Variants in IGSF11 observed in about 807,000 individuals in gnomAD.
IGSF11 encodes the protein CXADR like 1.
In IGSF11, 22 loss-of-function variants were observed where a neutral mutation model predicts 41.0. The ratio of observed to expected loss-of-function variants is 0.54; its 90% CI spans 0.38 to 0.77. The LOEUF (loss-of-function observed/expected upper bound fraction) is 0.77, where lower values mean the gene tolerates loss of function less well. Among genes scored for constraint, IGSF11 ranks in the 30% least tolerant of loss-of-function variants. The pLI, the probability that IGSF11 is intolerant of heterozygous loss-of-function variation, is 0.00. For synonymous variants in IGSF11, 219 were observed against 201.3 expected, an observed-to-expected ratio of 1.09 and a Z score of -0.74; for missense variants, 444 against 530.8, an observed-to-expected ratio of 0.84 and a Z score of 1.61.
chr3:119,107,104 G>C (rs2077044480), upstream of IGSF11, among the ~76,000 whole-genome samples: 1 of 152,178 alleles, frequency 6.6e-6, no homozygotes, highest in African/African-American at 2.4e-5. Flanking sequence ...TATATACTCA[G>C]TAATGGGATG....
intron 1 of IGSF11, among the ~76,000 whole-genome samples, chr3:119,068,649 C>T (rs886326695): frequency 6.6e-6 from 1 of 152,208 alleles, no homozygotes; most frequent in Non-Finnish European, 1.5e-5. Context: ...TGTCATTCAG[C>T]TCTTCTCTCT....
chr3:119,112,030 C>T (rs1434132688), intron 1 of IGSF11, among the ~76,000 whole-genome samples: 8 of 152,142 alleles, frequency 5.3e-5, no homozygotes, highest in African/African-American at 1.4e-4. Flanking sequence ...TTAGGCTGCT[C>T]GGGGGTCAGG....
At chr3:118,976,845 T>C (rs796641888) in intron 1 of IGSF11, among the ~76,000 whole-genome samples, 20 of 152,292 alleles carry the variant, frequency 1.3e-4, no homozygotes, top group African/African-American at 4.6e-4. Flanking sequence ...ACCCCCATAA[T>C]GTAACATTCT....
upstream of IGSF11, among the ~76,000 whole-genome samples, chr3:119,038,769 A>G (rs1488106343): frequency 1.3e-5 from 2 of 152,088 alleles, no homozygotes; most frequent in East Asian, 3.8e-4. Context: ...AGATTAATTC[A>G]CTTGATTTTA....
At chr3:119,113,757 G>A (rs562116640) in intron 1 of IGSF11, among the ~76,000 whole-genome samples, 14 of 152,234 alleles carry the variant, frequency 9.2e-5, no homozygotes, top group Non-Finnish European at 1.8e-4. Flanking sequence ...CTCTGTGTGA[G>A]GTCTCAAACC....
At chr3:119,144,650 G>A (rs1202331911) in intron 1 of IGSF11, among the ~76,000 whole-genome samples, 2 of 152,260 alleles carry the variant, frequency 1.3e-5, no homozygotes, top group East Asian at 3.9e-4. Context: ...AAAAGCATCA[G>A]CTCAGAGGGA....
At chr3:119,025,134 G>A (rs1185949891) in intron 1 of IGSF11, among the ~76,000 whole-genome samples, 1 of 152,022 alleles carries the variant, frequency 6.6e-6, no homozygotes, top group Non-Finnish European at 1.5e-5. Flanking sequence ...TTGGGAGGGG[G>A]AGAGAGAGAG....
At chr3:118,995,707 C>A (rs1236006026) in intron 1 of IGSF11, among the ~76,000 whole-genome samples, 1 of 152,108 alleles carries the variant, frequency 6.6e-6, no homozygotes, top group East Asian at 1.9e-4. Context: ...AGCTGGAGTG[C>A]AATGGCATGA....
intron 1 of IGSF11, among the ~76,000 whole-genome samples, chr3:119,082,448 T>A (rs1299007803): frequency 6.6e-6 from 1 of 152,110 alleles, no homozygotes; most frequent in Non-Finnish European, 1.5e-5. Flanking sequence ...CTATTACAGG[T>A]TCTAAGAACA....
chr3:118,978,576 A>C (rs890580090), intron 1 of IGSF11, among the ~76,000 whole-genome samples: 2 of 152,168 alleles, frequency 1.3e-5, no homozygotes, highest in Non-Finnish European at 2.9e-5. Context: ...CCACCACTGA[A>C]GCCTGAAGAC....
At chr3:118,949,462 A>C (rs1351902992) in intron 1 of IGSF11, 1 of 152,196 alleles carries the variant, frequency 6.6e-6, no homozygotes, top group Non-Finnish European at 1.5e-5. Flanking sequence ...AAACCACACA[A>C]ACACCACTTC....
intron 1 of IGSF11, among the ~76,000 whole-genome samples, chr3:119,007,862 A>T (rs1937612777): frequency 6.6e-6 from 1 of 152,168 alleles, no homozygotes; most frequent in African/African-American, 2.4e-5. Context: ...TCCTTTTTCT[A>T]GTCAAGCTGC....
intron 4 of IGSF11, among the ~76,000 whole-genome samples, chr3:118,911,704 A>AGAGAG (rs1408894470): frequency 5.9e-5 from 9 of 151,884 alleles, no homozygotes; most frequent in Non-Finnish European, 1.3e-4. Flanking sequence ...AGAAAGTGAG[A>AGAGAG]GAGAGGAGAG....
At chr3:118,940,469 GA>G (rs1422068365) in intron 1 of IGSF11, among the ~76,000 whole-genome samples, 1 of 152,084 alleles carries the variant, frequency 6.6e-6, no homozygotes, top group Non-Finnish European at 1.5e-5. Context: ...ATAACCTTCA[GA>G]AAATATCTGT....
intron 1 of IGSF11, among the ~76,000 whole-genome samples, chr3:119,011,972 T>A (rs1038090065): frequency 6.6e-6 from 1 of 151,998 alleles, no homozygotes; most frequent in South Asian, 2.1e-4. Flanking sequence ...TGTGTGTGTA[T>A]ACACACATAT....
At position 118,930,279 on chromosome 3, in the gene IGSF11, C is replaced by T. The variant is rs746066368; in HGVS notation, c.53-4G>A. The T allele has an allele frequency of 6.2e-7, 1 of 1,609,956 alleles. No homozygotes were observed. On this transcript the variant is annotated splice_polypyrimidine_tract_variant and splice_region_variant and intron_variant, in intron 1 of 6. Transcript: ENST00000393775. ...ACTTCCAGGGATGCTGCAACACCTA[C>T]AGAAGAAGGAACAGGGAGGTTATAT... is the stretch of plus-strand genomic sequence containing the variant.
intron 1 of IGSF11, among the ~76,000 whole-genome samples, chr3:118,942,066 C>T (rs545894754): frequency 1.3e-5 from 2 of 152,216 alleles, no homozygotes; most frequent in African/African-American, 4.8e-5. Flanking sequence ...TGGTAGTGAA[C>T]ACAAGACGAG....
intron 1 of IGSF11, among the ~76,000 whole-genome samples, chr3:119,085,828 T>C (rs2076661235): frequency 6.6e-6 from 1 of 152,212 alleles, no homozygotes; most frequent in South Asian, 2.1e-4. Context: ...TAATGGTGGA[T>C]GGTGTCCAGG....
intron 1 of IGSF11, among the ~76,000 whole-genome samples, chr3:119,005,214 G>A (rs1438890185): frequency 1.4e-5 from 2 of 146,134 alleles, no homozygotes; most frequent in South Asian, 2.2e-4. Context: ...TTACCATTAT[G>A]TAATGGCCTT....
Sources: gnomAD v4.1 joint callset for allele counts (sites outside exome capture counted in the v4.1 genomes callset) on GRCh38, gnomAD v4.1.1 for gene constraint, MANE v1.5 for transcripts, NCBI Gene and HGNC (gene_info 2026-07-23, HGNC 2026-07-21) for gene names.